KLHL13: variants seen among roughly 807,000 people sequenced by gnomAD.
KLHL13 encodes kelch like family member 13.
KLHL13 carries 10 observed loss-of-function variants against 37.1 expected under a neutral mutation model. The ratio of observed to expected loss-of-function variants is 0.27; its 90% CI spans 0.17 to 0.46. The LOEUF is 0.46. Among genes scored for constraint, KLHL13 ranks in the 20% least tolerant of loss-of-function variants. The pLI is 1.00. For missense variants in KLHL13, 360 were observed against 509.3 expected (o/e 0.71, Z 2.82); for synonymous variants, 163 against 181.2 (o/e 0.90, Z 0.81).
chrX:117,972,717 T>G (rs369326418), intron 1 of KLHL13: 81 of 1,179,615 alleles, frequency 6.9e-5, no homozygotes, highest in Middle Eastern at 4.7e-4. Context: ...AATATCCTAT[T>G]TTCTCTCACT....
At chrX:118,098,966 GA>G (rs2055250317) in intron 1 of KLHL13, among the ~76,000 whole-genome samples, 1 of 53,785 alleles carries the variant, frequency 1.9e-5, no homozygotes, top group African/African-American at 7.2e-5. Context: ...GGAGGGGGGA[GA>G]GGGGAGGGGG....
rs112133954 is a variant in KLHL13, at chrX:118,002,534, G to A, written c.-55-56959C>T. 2.1e-3 allele frequency among the ~76,000 whole-genome samples: 226 copies of A among 108,255 alleles called. 2 individuals carry two copies. The highest frequency in any genetic ancestry group is 7.4e-3 in the African/African-American group (220 of 29,669). The allele number at this position is 108,255 out of a possible 115,157, so 94.0% of individuals were successfully genotyped here. On this transcript the variant is annotated intron_variant, in intron 1 of 6. Transcript: ENST00000371882. ...CTTGAACCTGGGAGGGGGAGGTTAC[G>A]GTGAGCTGAGATCGCACCATTGCAC... is the stretch of plus-strand genomic sequence containing the variant.
At chrX:117,988,906 T>G (rs1471799337) in intron 1 of KLHL13, among the ~76,000 whole-genome samples, 1 of 112,042 alleles carries the variant, frequency 8.9e-6, no homozygotes, top group African/African-American at 3.2e-5. Flanking sequence ...ACTTATATTT[T>G]ACTCACCTAA....
At chrX:117,947,179 T>A (rs1404141482) in intron 1 of KLHL13, 2 of 111,885 alleles carry the variant, frequency 1.8e-5, no homozygotes, top group Non-Finnish European at 3.8e-5. Flanking sequence ...ACGTTTAAAA[T>A]TACAGAATCA....
chrX:118,103,526 G>A (rs937372499), intron 1 of KLHL13, among the ~76,000 whole-genome samples: 8 of 111,207 alleles, frequency 7.2e-5, no homozygotes, highest in African/African-American at 2.3e-4. Flanking sequence ...AGAAAAATTC[G>A]GTAAAATTAA....
intron 1 of KLHL13, among the ~76,000 whole-genome samples, chrX:117,969,427 T>C (rs1314922503): frequency 8.9e-6 from 1 of 111,838 alleles, no homozygotes; most frequent in Non-Finnish European, 1.9e-5. Flanking sequence ...TTTATTAATT[T>C]AGGCTAAATG....
chrX:118,090,334 G>A (rs1465170378), intron 1 of KLHL13, among the ~76,000 whole-genome samples: 2 of 110,886 alleles, frequency 1.8e-5, no homozygotes, highest in East Asian at 5.6e-4. Context: ...AGAGTGAACA[G>A]GCAACCTACA....
At chrX:118,019,078 T>C (rs747376809) in intron 1 of KLHL13, among the ~76,000 whole-genome samples, 36 of 110,955 alleles carry the variant, frequency 3.2e-4, no homozygotes, top group African/African-American at 1.2e-3. Flanking sequence ...TAAAATCTAC[T>C]TCCTTGGAAA....
chrX:118,019,066 T>C (rs1244884615), intron 1 of KLHL13, among the ~76,000 whole-genome samples: 1 of 110,982 alleles, frequency 9.0e-6, no homozygotes, highest in African/African-American at 3.3e-5. Flanking sequence ...GGTAAGAACA[T>C]CTAAAATCTA....
At chrX:117,994,451 T>C (rs2053831882) in intron 1 of KLHL13, among the ~76,000 whole-genome samples, 1 of 110,235 alleles carries the variant, frequency 9.1e-6, no homozygotes, top group Non-Finnish European at 1.9e-5. Flanking sequence ...GGGGTCTCGC[T>C]ATGTTGCCCA....
intron 1 of KLHL13, among the ~76,000 whole-genome samples, chrX:118,014,232 C>A (rs1486075560): frequency 1.8e-5 from 2 of 111,254 alleles, no homozygotes; most frequent in African/African-American, 6.5e-5. Context: ...AATTCTTTTC[C>A]CAGCAAGGAA....
At position 118,005,622 on chromosome X, in the gene KLHL13, C is replaced by A. The variant is rs192687477; in HGVS notation, c.-55-60047G>T. ...GTGAGGAGATGTGAGAAAGATTTGA[C>A]CCAGCACTGCTGGCTTCGAAGATGG... is the stretch of plus-strand genomic sequence containing the variant. On this transcript the variant is annotated intron_variant, in intron 1 of 6. Coordinates refer to the KLHL13 transcript ENST00000371882. Among the ~76,000 whole-genome samples the A allele has an allele frequency of 2.7e-4, 30 of 111,478 alleles. No individual in the cohort carries two copies. In the East Asian group the frequency reaches 8.5e-3, roughly 31 times the overall value.
At chrX:118,074,210 C>G (rs1218469697) in intron 1 of KLHL13, among the ~76,000 whole-genome samples, 1 of 111,752 alleles carries the variant, frequency 8.9e-6, no homozygotes, top group Non-Finnish European at 1.9e-5. Context: ...AATGTAGGTT[C>G]TACCTAAGGG....
At position 117,985,046 on chromosome X, in the gene KLHL13, A is replaced by C. The variant is rs191582230; in HGVS notation, c.-55-39471T>G. On this transcript the variant is annotated intron_variant, in intron 1 of 6. Coordinates refer to the KLHL13 transcript ENST00000371882. ...CTGAAGTAAAATAAAATTCCCTTAGAAATCTTATTCAAAATCAAGCTTTGT... is the reference window on the plus strand; with the variant it reads ...CTGAAGTAAAATAAAATTCCCTTAGCAATCTTATTCAAAATCAAGCTTTGT... Among the ~76,000 whole-genome samples the C allele has an allele frequency of 3.9e-3, 429 of 110,999 alleles. 1 individual carries two copies. Among genetic ancestry groups the C allele is most frequent in the Non-Finnish European group, 6.1e-3 (323 of 52,849 alleles).
Position 117,901,951 on chromosome X carries a change from T to C in KLHL13, c.1367-5A>G. 1.2e-6 allele frequency: 1 copy of C among 843,634 alleles called. No individual in the cohort carries two copies. The highest frequency in any genetic ancestry group is 3.9e-5 in the East Asian group (1 of 25,787). 69.5% of individuals were successfully genotyped at this position (843,634 alleles called of 1,213,427 possible). ...GATTGTAACATTCTACTGTGGCTGT[T>C]AAAAAAAAAAAGAAAAGAAAATTAT... On this transcript the variant is annotated splice_region_variant and splice_polypyrimidine_tract_variant and intron_variant, in intron 5 of 6. Transcript: ENST00000262820.
chrX:118,058,520 T>G (rs1386212257), intron 1 of KLHL13, among the ~76,000 whole-genome samples: 2 of 111,906 alleles, frequency 1.8e-5, no homozygotes, highest in African/African-American at 6.5e-5. Flanking sequence ...TTTGCTATCC[T>G]GATGAGGTAT....
At chrX:117,953,095 C>G (rs759031848) in intron 1 of KLHL13, among the ~76,000 whole-genome samples, 82 of 110,498 alleles carry the variant, frequency 7.4e-4, no homozygotes, top group Non-Finnish European at 1.3e-3. Context: ...GCTATAAAGA[C>G]ACATGCACAC....
intron 1 of KLHL13, among the ~76,000 whole-genome samples, chrX:117,984,809 T>C (rs997991031): frequency 2.1e-4 from 23 of 110,907 alleles, no homozygotes; most frequent in African/African-American, 6.9e-4. Flanking sequence ...TCAAAATGTC[T>C]TTAAATACAG....
intron 1 of KLHL13, among the ~76,000 whole-genome samples, chrX:118,096,126 T>G (rs1379371526): frequency 9.0e-6 from 1 of 110,858 alleles, no homozygotes; most frequent in Non-Finnish European, 1.9e-5. Context: ...TTCAAAAAAT[T>G]AATGAATCCA....
Sources: gnomAD v4.1 joint callset for allele counts (sites outside exome capture counted in the v4.1 genomes callset) on GRCh38, gnomAD v4.1.1 for gene constraint, MANE v1.5 for transcripts, NCBI Gene and HGNC (gene_info 2026-07-23, HGNC 2026-07-21) for gene names.